PKIA: variants seen among roughly 807,000 people sequenced by gnomAD.
PKIA encodes the protein PKI-alpha.
PKIA carries 4 observed loss-of-function variants against 7.6 expected under a neutral mutation model. That is an observed-to-expected ratio of 0.52 (90% CI 0.26 to 1.20). The LOEUF (loss-of-function observed/expected upper bound fraction) is 1.20, where lower values mean the gene tolerates loss of function less well. Ranked by LOEUF, PKIA falls within the 50% of genes most tolerant of loss-of-function variation. The pLI is 0.13. For missense variants in PKIA, 73 were observed against 86.2 expected (o/e 0.85, Z 0.61); for synonymous variants, 21 against 30.7 (o/e 0.68, Z 1.04).
At chr8:78,585,162 T>G (rs1807918529) in intron 2 of PKIA, among the ~76,000 whole-genome samples, 1 of 151,992 alleles carries the variant, frequency 6.6e-6, no homozygotes, top group South Asian at 2.1e-4. Flanking sequence ...TAAATTAATA[T>G]TTTAAAATAG....
At chr8:78,589,198 G>T (rs900487978) in intron 2 of PKIA, among the ~76,000 whole-genome samples, 2 of 151,910 alleles carry the variant, frequency 1.3e-5, no homozygotes, top group African/African-American at 2.4e-5. Context: ...TGATGACCTT[G>T]GTCTCCACAA....
rs1808277478 is a variant in PKIA at position 78,598,358 on chromosome 8, T to C, written c.-27T>C. ...CTATTAATTTTCCTTTCTTTTGTAG[T>C]CCCTGCTATGTGGATATTTGGTAGC... On this transcript the variant is annotated splice_region_variant and 5_prime_UTR_variant, in exon 3 of 4. Coordinates refer to ENST00000396418, the MANE Select transcript of PKIA (RefSeq NM_006823.4). 1 of 1,587,318 alleles carries C rather than the reference T, an allele frequency of 6.3e-7. No individual in the cohort carries two copies. The highest frequency in any genetic ancestry group is 8.6e-7 in the Non-Finnish European group (1 of 1,161,254).
In PKIA at chr8:78,558,914, G is replaced by GGTTT. The variant is rs545852990; in HGVS notation, c.-156-13876_-156-13873dup. ...GAAACTGTGCATTTAATACATTATG[G>GGTTT]GTTTGTTTGTTTGTTTGTTTGTTTT... On this transcript the variant is annotated intron_variant, in intron 1 of 3. Coordinates refer to ENST00000396418, the MANE Select transcript of PKIA (RefSeq NM_006823.4). Among the ~76,000 whole-genome samples, 213 of 152,010 alleles carry GGTTT rather than the reference G, an allele frequency of 1.4e-3. 1 individual carries two copies. The highest frequency in any genetic ancestry group is 4.2e-3 in the South Asian group (20 of 4,816).
intron 1 of PKIA, among the ~76,000 whole-genome samples, chr8:78,526,247 T>A (rs1809541664): frequency 6.6e-6 from 1 of 152,052 alleles, no homozygotes; most frequent in African/African-American, 2.4e-5. Flanking sequence ...TTGGGTCCAC[T>A]GTAATGCGAG....
chr8:78,597,902 C>A (rs1808261757), intron 2 of PKIA, among the ~76,000 whole-genome samples: 1 of 151,828 alleles, frequency 6.6e-6, no homozygotes, highest in Non-Finnish European at 1.5e-5. Flanking sequence ...ATGTCTGTTG[C>A]AGCAACATGG....
intron 1 of PKIA, among the ~76,000 whole-genome samples, chr8:78,557,499 T>TTA (rs1190420688): frequency 6.6e-6 from 1 of 152,154 alleles, no homozygotes; most frequent in Non-Finnish European, 1.5e-5. Context: ...GTAAAAGCAT[T>TTA]TCAATTACTT....
chr8:78,524,060 A>ATATAAATATATAAACG (rs1563565671), intron 1 of PKIA, among the ~76,000 whole-genome samples: 1 of 82,146 alleles, frequency 1.2e-5, no homozygotes. Flanking sequence ...ATATATAAAC[A>ATATAAATATATAAACG]TTTATATTTA....
intron 2 of PKIA, among the ~76,000 whole-genome samples, chr8:78,581,318 G>T (rs950058223): frequency 6.6e-6 from 1 of 151,944 alleles, no homozygotes; most frequent in Admixed American, 6.6e-5. Flanking sequence ...TTAATAAAAT[G>T]GTCAATGAGT....
At chr8:78,593,280 G>A (rs894145471) in intron 2 of PKIA, among the ~76,000 whole-genome samples, 5 of 152,010 alleles carry the variant, frequency 3.3e-5, no homozygotes, top group African/African-American at 9.7e-5. Flanking sequence ...GCACCACTAC[G>A]CCCAGCTAAT....
At chr8:78,529,903 T>G (rs758525831) in intron 1 of PKIA, among the ~76,000 whole-genome samples, 9 of 151,882 alleles carry the variant, frequency 5.9e-5, no homozygotes, top group Non-Finnish European at 1.0e-4. Context: ...ATTTCCAAAT[T>G]TATTCAATGT....
chr8:78,548,029 T>C (rs1488830505), intron 1 of PKIA, among the ~76,000 whole-genome samples: 1 of 152,090 alleles, frequency 6.6e-6, no homozygotes, highest in Admixed American at 6.6e-5. Context: ...GTCTCAATAA[T>C]TATCTCACAA....
At chr8:78,544,541 A>T (rs1285123392) in intron 1 of PKIA, among the ~76,000 whole-genome samples, 1 of 152,210 alleles carries the variant, frequency 6.6e-6, no homozygotes, top group Admixed American at 6.5e-5. Context: ...TGCACCTAGC[A>T]CATGGAAAAC....
At chr8:78,530,809 A>C (rs1157114875) in intron 1 of PKIA, among the ~76,000 whole-genome samples, 2 of 152,174 alleles carry the variant, frequency 1.3e-5, no homozygotes, top group Middle Eastern at 3.4e-3. Context: ...CAGTAATATA[A>C]TCTATCATGT....
intron 1 of PKIA, among the ~76,000 whole-genome samples, chr8:78,553,022 TTTTA>T (rs898406061): frequency 2.0e-5 from 3 of 151,816 alleles, no homozygotes; most frequent in African/African-American, 7.2e-5. Flanking sequence ...AAAACTGTAC[TTTTA>T]TTTTTTAAAT....
At chr8:78,525,079 T>C (rs376121709) in intron 1 of PKIA, among the ~76,000 whole-genome samples, 13 of 151,696 alleles carry the variant, frequency 8.6e-5, no homozygotes, top group African/African-American at 3.1e-4. Context: ...TCTGGGGTAT[T>C]ATAAGTTGGA....
At chr8:78,552,791 T>C (rs1376766124) in intron 1 of PKIA, among the ~76,000 whole-genome samples, 1 of 152,070 alleles carries the variant, frequency 6.6e-6, no homozygotes. Flanking sequence ...TAAATAATGA[T>C]ACTTTTAGTC....
intron 1 of PKIA, among the ~76,000 whole-genome samples, chr8:78,536,346 G>A (rs1806520786): frequency 1.3e-5 from 2 of 152,048 alleles, no homozygotes; most frequent in South Asian, 4.1e-4. Context: ...TGTATTTTGT[G>A]AAAGAAGTAC....
intron 2 of PKIA, among the ~76,000 whole-genome samples, chr8:78,577,719 G>A (rs190779718): frequency 6.6e-6 from 1 of 151,890 alleles, no homozygotes; most frequent in African/African-American, 2.4e-5. Context: ...CCTTATTCCT[G>A]ATATGCTGTA....
intron 1 of PKIA, among the ~76,000 whole-genome samples, chr8:78,530,539 T>G (rs1806364196): frequency 6.6e-6 from 1 of 152,178 alleles, no homozygotes; most frequent in Middle Eastern, 3.4e-3. Context: ...TTTTCCACCA[T>G]ATCTTTGTGT....
Sources: gnomAD v4.1 joint callset for allele counts (sites outside exome capture counted in the v4.1 genomes callset) on GRCh38, gnomAD v4.1.1 for gene constraint, MANE v1.5 for transcripts, NCBI Gene and HGNC (gene_info 2026-07-23, HGNC 2026-07-21) for gene names.